Variants in TRRAP observed in about 807,000 individuals in gnomAD.
TRRAP encodes the protein transformation/transcription domain associated protein, also known as transformation/transcription domain-associated protein.
In TRRAP, 41 loss-of-function variants were observed where a neutral mutation model predicts 438.8. The observed-to-expected ratio is 0.09, with a 90% CI of 0.07 to 0.12. The LOEUF is 0.12. TRRAP is among the 10% of genes least tolerant of loss of function. The pLI is 1.00. For synonymous variants in TRRAP, 1,994 were observed against 1,962.9 expected (o/e 1.02, Z -0.42); for missense variants, 3,122 against 5,055.1 (o/e 0.62, Z 11.60).
rs1482325678 is a variant in TRRAP, at chr7:98,971,804, A to G, written c.7698A>G (p.Val2566=). 6.2e-7 allele frequency: 1 copy of G among 1,613,688 alleles called. No homozygotes were observed. The highest frequency in any genetic ancestry group is 2.2e-5 in the East Asian group (1 of 44,880). Reference sequence around the variant, plus strand: ...CTTGCTGCTTTGTTTCTTAGGATGTAGAGATAGACATCGAACTAGCTCCTG... The same window carrying G: ...CTTGCTGCTTTGTTTCTTAGGATGTGGAGATAGACATCGAACTAGCTCCTG... ...RENSESKEED[V]EIDIELAPGD... The change falls in exon 53 of 73, where the codon GTA becomes GTG. Residue 2566 remains valine, a synonymous_variant. Transcript: ENST00000456197.
In TRRAP at chr7:99,012,297, C is replaced by T; in HGVS notation, c.11564C>T (p.Ala3855Val). 2 of 1,612,644 alleles carry T rather than the reference C, an allele frequency of 1.2e-6. No individual in the cohort carries two copies. Among genetic ancestry groups the T allele is most frequent in the East Asian group, 2.2e-5 (1 of 44,830 alleles). Reference sequence around the variant, plus strand: ...AGCAAGGTGAACACCCTGGTGGCCGCGGCAAACAGCCTGGACAATCTGTGC... The same window carrying T: ...AGCAAGGTGAACACCCTGGTGGCCGTGGCAAACAGCCTGGACAATCTGTGC... ...GESKVNTLVAAANSLDNLCRM... is the reference protein window; with the variant it reads ...GESKVNTLVAVANSLDNLCRM... Residue 3855 changes from alanine to valine, a missense_variant, in exon 73 of 73, where the codon GCG becomes GTG. By Grantham distance (64) the Ala-to-Val change is moderately conservative. Around this residue, in one of 24 missense-constraint regions of TRRAP, gnomAD observed 192 missense variants for 355.6 expected, o/e 0.54. Coordinates refer to ENST00000456197, the MANE Select transcript of TRRAP (RefSeq NM_001375524.1). This position sits in a 1 kb window ranked among gnomAD's most constrained non-coding sequence, Gnocchi z 5.9.
At chr7:98,969,135 C>T (rs1307677528) in intron 51 of TRRAP, among the ~76,000 whole-genome samples, 3 of 152,230 alleles carry the variant, frequency 2.0e-5, no homozygotes, top group Non-Finnish European at 4.4e-5. Context: ...ACCTCCCCTC[C>T]TACTGATAAG....
At chr7:98,989,703 A>G (rs1344122665) in intron 63 of TRRAP, among the ~76,000 whole-genome samples, 2 of 152,354 alleles carry the variant, frequency 1.3e-5, no homozygotes, top group Admixed American at 6.5e-5. Context: ...GCTTACACCC[A>G]GATGTAATTG....
chr7:98,881,037 A>C, intron 1 of TRRAP, 53 bp from the exon 2 acceptor site: 1 of 718,452 alleles, frequency 1.4e-6, no homozygotes, highest in Non-Finnish European at 2.2e-6. Flanking sequence ...TTTCACAGAG[A>C]TTGTGATCCT....
intron 37 of TRRAP, 79 bp downstream of exon 37, chr7:98,949,920 C>T (rs552107676): frequency 6.4e-7 from 1 of 1,570,618 alleles, no homozygotes; most frequent in African/African-American, 1.4e-5. Flanking sequence ...CTACTCTGTA[C>T]AAGGCTGTGG....
In TRRAP at chr7:98,897,881, G is replaced by C. The variant is rs781985276; in HGVS notation, c.633+15G>C. ...AGACTCGAACAGTAAGTGTTTCGCTGAGTTATTTCTACCCGTGGCTCCTGT... is the reference window on the plus strand; with the variant it reads ...AGACTCGAACAGTAAGTGTTTCGCTCAGTTATTTCTACCCGTGGCTCCTGT... On this transcript the variant is annotated intron_variant, in intron 8 of 72. Coordinates refer to ENST00000456197, the MANE Select transcript of TRRAP (RefSeq NM_001375524.1). The C allele has an allele frequency of 5.6e-6, 9 of 1,613,314 alleles. No homozygotes were observed. In the South Asian group the frequency reaches 9.9e-5, roughly 18 times the overall value.
intron 4 of TRRAP, 76 bp from the exon 5 acceptor site, chr7:98,892,348 T>A: frequency 8.2e-7 from 1 of 1,224,112 alleles, no homozygotes. Context: ...GTGTGACACT[T>A]GCAGAGTGTG....
intron 56 of TRRAP, 91 bp from the exon 57 acceptor site, chr7:98,978,120 C>T: frequency 8.3e-7 from 1 of 1,207,746 alleles, no homozygotes; most frequent in Admixed American, 2.1e-5. Context: ...AACCTCATCT[C>T]AAAAAACTTA....
In TRRAP at chr7:98,956,024, C is replaced by CTG; in HGVS notation, c.5938-114_5938-113dup. On this transcript the variant is annotated intron_variant, in intron 41 of 72. Coordinates refer to ENST00000456197, the MANE Select transcript of TRRAP (RefSeq NM_001375524.1). This position sits in a 1 kb window ranked among gnomAD's most constrained non-coding sequence, Gnocchi z 4.5. The stretch of plus-strand genomic sequence containing the variant: ...CAGAATTCTTGAGCATCAAGTTGGG[C>CTG]TGTGTGTGTATGTTGGGGCTGAGAG... 8.3e-7 allele frequency: 1 copy of CTG among 1,208,756 alleles called. No homozygotes were observed. The highest frequency in any genetic ancestry group is 1.1e-6 in the Non-Finnish European group (1 of 881,900). The allele number at this position is 1,208,756 out of a possible 1,614,324, so 74.9% of individuals were successfully genotyped here.
rs1794481530 is a variant in TRRAP at position 99,012,751 on chromosome 7, C to T, written c.*396C>T. On this transcript the variant is annotated 3_prime_UTR_variant, in exon 73 of 73. Coordinates refer to ENST00000456197, the MANE Select transcript of TRRAP (RefSeq NM_001375524.1). The surrounding 1 kb of genome is among the most constrained non-coding windows in gnomAD (Gnocchi z 5.9). ...TAACTCTTTCGGAAATAACACCTCACAGCAGCTTCGTGCTTTTGTACAGAC... is the reference window on the plus strand; with the variant it reads ...TAACTCTTTCGGAAATAACACCTCATAGCAGCTTCGTGCTTTTGTACAGAC... The T allele has an allele frequency of 5.0e-6, 1 of 200,960 alleles. No individual in the cohort carries two copies. Among genetic ancestry groups the T allele is most frequent in the African/African-American group, 2.3e-5 (1 of 42,788 alleles). The allele number at this position is 200,960 out of a possible 1,614,324, so 12.4% of individuals were successfully genotyped here.
intron 3 of TRRAP, among the ~76,000 whole-genome samples, chr7:98,882,955 G>A (rs1181129037): frequency 2.0e-5 from 3 of 152,172 alleles, no homozygotes; most frequent in Non-Finnish European, 4.4e-5. Flanking sequence ...CACTGTGCCC[G>A]GCCGAGATGC....
At chr7:98,968,049 T>C (rs958382052) in intron 51 of TRRAP, among the ~76,000 whole-genome samples, 4 of 151,872 alleles carry the variant, frequency 2.6e-5, no homozygotes, top group African/African-American at 9.7e-5. Flanking sequence ...GACAGAGTCC[T>C]GCTCTGTTGC....
At chr7:98,920,212 T>C (rs1299754197) in intron 20 of TRRAP, among the ~76,000 whole-genome samples, 1 of 152,188 alleles carries the variant, frequency 6.6e-6, no homozygotes, top group Non-Finnish European at 1.5e-5. Context: ...GGCTCACGCC[T>C]GTAATCCCAG....
At chr7:99,002,509 A>G (rs1398251744) in intron 67 of TRRAP, among the ~76,000 whole-genome samples, 1 of 152,210 alleles carries the variant, frequency 6.6e-6, no homozygotes, top group Admixed American at 6.5e-5. Flanking sequence ...TGAGCTTGGC[A>G]GCACGTTCTT....
chr7:99,008,018 G>GT (rs1230927379), intron 69 of TRRAP, among the ~76,000 whole-genome samples: 1 of 151,532 alleles, frequency 6.6e-6, no homozygotes, highest in Non-Finnish European at 1.5e-5. Context: ...TAGAGACGAG[G>GT]TTTCACCATG....
At chr7:98,982,204 C>T (rs552526832) in intron 59 of TRRAP, among the ~76,000 whole-genome samples, 11 of 152,138 alleles carry the variant, frequency 7.2e-5, no homozygotes, top group Non-Finnish European at 1.0e-4. Flanking sequence ...TTGAATTTTG[C>T]CTGAGGGATT....
At chr7:98,985,568 G>A (rs574798552) in intron 62 of TRRAP, among the ~76,000 whole-genome samples, 2 of 152,314 alleles carry the variant, frequency 1.3e-5, no homozygotes, top group Admixed American at 6.5e-5. Context: ...CTAGCCCATC[G>A]CAGGAAAGGT....
intron 8 of TRRAP, 100 bp from the exon 9 acceptor site, chr7:98,899,322 C>T (rs1352309541): frequency 9.7e-6 from 9 of 928,862 alleles, no homozygotes; most frequent in East Asian, 7.3e-5. Flanking sequence ...CACTGTTTTC[C>T]GTTCTCTCTC....
intron 39 of TRRAP, among the ~76,000 whole-genome samples, chr7:98,952,572 CTCAA>C (rs1176690535): frequency 1.6e-4 from 24 of 152,172 alleles, no homozygotes; most frequent in Admixed American, 1.3e-3. Context: ...TGAGACGGAT[CTCAA>C]TCAATTTAGA....
Sources: gnomAD v4.1 joint callset for allele counts (sites outside exome capture counted in the v4.1 genomes callset) on GRCh38, gnomAD v4.1.1 for gene constraint, gnomAD v4.1.1 regional missense constraint, Gnocchi (gnomAD v3.1) non-coding constraint, MANE v1.5 for transcripts, NCBI Gene and HGNC (gene_info 2026-07-23, HGNC 2026-07-21) for gene names.